The following SH3RF3 variants were observed in gnomAD, a reference collection of about 807,000 sequenced individuals.
The protein encoded by SH3RF3 is SH3 domain containing ring finger 3, also known as E3 ubiquitin-protein ligase SH3RF3.
SH3RF3 carries 29 observed loss-of-function variants against 66.3 expected under a neutral mutation model. The observed-to-expected ratio is 0.44, with a 90% CI of 0.33 to 0.60. The LOEUF is 0.60. Ranked by LOEUF, SH3RF3 falls within the 20% of genes least tolerant of loss-of-function variation. The probability of loss-of-function intolerance (pLI) is 0.04; values close to 1 mark genes in which losing one functional copy is unlikely to be tolerated. For synonymous variants in SH3RF3, 583 were observed against 532.0 expected, an observed-to-expected ratio of 1.10 and a Z score of -1.32; for missense variants, 1,194 against 1,190.9, an observed-to-expected ratio of 1.00 and a Z score of -0.04.
At chr2:109,171,303 A>G (rs767650376) in intron 1 of SH3RF3, among the ~76,000 whole-genome samples, 1 of 152,046 alleles carries the variant, frequency 6.6e-6, no homozygotes, top group Non-Finnish European at 1.5e-5. Flanking sequence ...TTTCCTTGTC[A>G]TATCTATTTC....
At chr2:109,312,073 G>T (rs1314789307) in intron 1 of SH3RF3, among the ~76,000 whole-genome samples, 1 of 152,128 alleles carries the variant, frequency 6.6e-6, no homozygotes, top group Non-Finnish European at 1.5e-5. Context: ...GGGAACCTTG[G>T]TGTATGTGTT....
Position 109,130,107 on chromosome 2 carries a change from G to C in SH3RF3, c.567G>C (p.Ala189=). The change falls in exon 1 of 10, where the codon GCG becomes GCC. Residue 189 remains alanine (A), a synonymous_variant. Transcript: ENST00000309415. ...TGGCGACCAGCAGGACCGCGCCGGC[G>C]GCAAAGGTGAGTATCTGTCTCGGCG... is the stretch of plus-strand genomic sequence containing the variant. The part of the protein sequence containing the change: ...RELATSRTAP[A]AKNPCLLPYG... 4 of 1,328,342 alleles carry C rather than the reference G, an allele frequency of 3.0e-6. No homozygotes were observed. Among genetic ancestry groups the C allele is most frequent in the Non-Finnish European group, 3.8e-6 (4 of 1,043,478 alleles). 82.3% of individuals were successfully genotyped at this position (1,328,342 alleles called of 1,614,324 possible).
intron 4 of SH3RF3, among the ~76,000 whole-genome samples, chr2:109,408,119 T>G (rs1252518065): frequency 6.6e-6 from 1 of 152,136 alleles, no homozygotes; most frequent in Non-Finnish European, 1.5e-5. Flanking sequence ...CACTCCCTTG[T>G]CCTAGCAGCT....
intron 1 of SH3RF3, among the ~76,000 whole-genome samples, chr2:109,169,151 C>G (rs970048577): frequency 6.6e-6 from 1 of 152,178 alleles, no homozygotes; most frequent in Non-Finnish European, 1.5e-5. Context: ...CACATCTCGT[C>G]ATATGTACTA....
intron 8 of SH3RF3, among the ~76,000 whole-genome samples, chr2:109,454,357 G>C (rs1250389708): frequency 6.6e-6 from 1 of 152,192 alleles, no homozygotes; most frequent in Non-Finnish European, 1.5e-5. Context: ...CTTCACTCCT[G>C]AAGGGTCTGG....
intron 7 of SH3RF3, among the ~76,000 whole-genome samples, chr2:109,446,026 C>A (rs541205854): frequency 6.6e-6 from 1 of 152,238 alleles, no homozygotes; most frequent in Non-Finnish European, 1.5e-5. Context: ...CTTTCCTAAG[C>A]AGCCTTCATC....
intron 9 of SH3RF3, among the ~76,000 whole-genome samples, chr2:109,499,339 G>C (rs1228323180): frequency 1.3e-5 from 2 of 152,228 alleles, no homozygotes; most frequent in Non-Finnish European, 2.9e-5. Flanking sequence ...GGGACCGTCA[G>C]CCAGGGGTTT....
intron 1 of SH3RF3, among the ~76,000 whole-genome samples, chr2:109,223,073 C>T (rs1044403520): frequency 1.8e-4 from 27 of 152,256 alleles, no homozygotes; most frequent in African/African-American, 5.5e-4. Flanking sequence ...GAGGCTGGCA[C>T]CACGCCCTGA....
intron 1 of SH3RF3, among the ~76,000 whole-genome samples, chr2:109,339,586 G>T (rs891385726): frequency 2.6e-5 from 4 of 152,222 alleles, no homozygotes; most frequent in African/African-American, 9.6e-5. Context: ...CCTGGAGGGT[G>T]CCTGGGTGGG....
At chr2:109,399,650 A>C (rs890927654) in intron 4 of SH3RF3, among the ~76,000 whole-genome samples, 17 of 152,238 alleles carry the variant, frequency 1.1e-4, no homozygotes, top group African/African-American at 4.1e-4. Context: ...AATGATTAAA[A>C]AAATTTTTAA....
At chr2:109,432,698 G>T (rs770287862) in intron 6 of SH3RF3, 27 bp downstream of exon 6, 3 of 1,599,736 alleles carry the variant, frequency 1.9e-6, no homozygotes, top group Non-Finnish European at 2.6e-6. Context: ...GGCAGCCTGG[G>T]CAAGGAGAGG....
In SH3RF3 at chr2:109,502,570, C is replaced by A. The variant is rs963264262; in HGVS notation, c.*899C>A. Reference sequence around the variant, plus strand: ...CGCTGGCCAGTACTCTGGGGGCTGGCGGGGTGGATCCATTGAGGGGGTCGG... The same window carrying A: ...CGCTGGCCAGTACTCTGGGGGCTGGAGGGGTGGATCCATTGAGGGGGTCGG... On this transcript the variant is annotated 3_prime_UTR_variant, in exon 10 of 10. Transcript: ENST00000309415. The A allele has an allele frequency of 6.6e-6, 1 of 152,078 alleles. No individual in the cohort carries two copies. Among genetic ancestry groups the A allele is most frequent in the South Asian group, 2.1e-4 (1 of 4,822 alleles). 9.4% of individuals were successfully genotyped at this position (152,078 alleles called of 1,614,324 possible). A position where few individuals can be genotyped will look rare whatever the true frequency, so the allele number is the denominator to read the frequency against.
At position 109,490,666 on chromosome 2, in the gene SH3RF3, G is replaced by A. The variant is rs1228527798; in HGVS notation, c.2210G>A (p.Arg737His). 9.9e-6 allele frequency: 15 copies of A among 1,514,924 alleles called. No individual in the cohort carries two copies. Among genetic ancestry groups the A allele is most frequent in the South Asian group, 8.5e-5 (7 of 82,730 alleles). The allele number at this position is 1,514,924 out of a possible 1,614,324, so 93.8% of individuals were successfully genotyped here. The change falls in exon 9 of 10, where the codon CGC (arginine) becomes CAC (histidine). Residue 737 changes from arginine (R) to histidine (H), a missense_variant. Transcript: ENST00000309415. ...GGAGCATCCACCAAGAAGAAGTCAC[G>A]CTCCCCGCCATCTGTGTCTCCAACC... is the stretch of plus-strand genomic sequence containing the variant. ...LAGASTKKKSRSPPSVSPTHD... is the reference protein window; with the variant it reads ...LAGASTKKKSHSPPSVSPTHD...
intron 1 of SH3RF3, among the ~76,000 whole-genome samples, chr2:109,272,724 A>G (rs765741992): frequency 1.3e-5 from 2 of 152,230 alleles, no homozygotes; most frequent in Non-Finnish European, 2.9e-5. Flanking sequence ...GCAGAGGGGC[A>G]CTGGCCCAGC....
chr2:109,155,250 T>C (rs1677314081), intron 1 of SH3RF3, among the ~76,000 whole-genome samples: 1 of 152,250 alleles, frequency 6.6e-6, no homozygotes, highest in South Asian at 2.1e-4. Flanking sequence ...TTATAGTATT[T>C]GTGGAATAAT....
chr2:109,308,325 C>T, intron 1 of SH3RF3, among the ~76,000 whole-genome samples: 2 of 115,086 alleles, frequency 1.7e-5, no homozygotes, highest in Non-Finnish European at 1.7e-5. Flanking sequence ...GGATATTAGC[C>T]CTTTGTCAGA....
intron 2 of SH3RF3, among the ~76,000 whole-genome samples, chr2:109,350,225 G>A (rs942056872): frequency 1.3e-5 from 2 of 152,200 alleles, no homozygotes; most frequent in Non-Finnish European, 2.9e-5. Context: ...TCCCAAGTGG[G>A]CAATGTCACC....
chr2:109,196,985 A>G (rs1341224109), intron 1 of SH3RF3, among the ~76,000 whole-genome samples: 1 of 152,172 alleles, frequency 6.6e-6, no homozygotes, highest in East Asian at 1.9e-4. Context: ...ACAGGTGCTT[A>G]GTTTGATTTC....
chr2:109,205,722 C>T (rs1243168683), intron 1 of SH3RF3, among the ~76,000 whole-genome samples: 1 of 152,206 alleles, frequency 6.6e-6, no homozygotes, highest in African/African-American at 2.4e-5. Flanking sequence ...CGGGGCAGTG[C>T]ACTTTGCTCA....
Sources: allele counts gnomAD v4.1 joint callset (sites outside exome capture counted in the v4.1 genomes callset), GRCh38; gene constraint gnomAD v4.1.1; transcripts MANE v1.5; gene names NCBI Gene and HGNC (gene_info 2026-07-23, HGNC 2026-07-21).